Variants in TGFB2 observed in about 807,000 individuals in gnomAD.
TGFB2 encodes transforming growth factor beta 2.
In TGFB2, 13 loss-of-function variants were observed where a neutral mutation model predicts 42.7. That is an observed-to-expected ratio of 0.30 (90% CI 0.20 to 0.48). The LOEUF (loss-of-function observed/expected upper bound fraction) is 0.48, where lower values mean the gene tolerates loss of function less well. Ranked by LOEUF, TGFB2 falls within the 20% of genes least tolerant of loss-of-function variation. The probability of loss-of-function intolerance (pLI) is 0.99; values close to 1 mark genes in which losing one functional copy is unlikely to be tolerated. For missense variants in TGFB2, 390 were observed against 517.5 expected (o/e 0.75, Z 2.39); for synonymous variants, 193 against 193.6 (o/e 1.00, Z 0.03).
intron 2 of TGFB2, among the ~76,000 whole-genome samples, chr1:218,423,096 A>G (rs1001826838): frequency 1.3e-5 from 2 of 152,194 alleles, no homozygotes; most frequent in Non-Finnish European, 2.9e-5. Flanking sequence ...TTCCTGCTGT[A>G]GGTAAGCCAA....
intron 6 of TGFB2, 49 bp from the exon 7 acceptor site, chr1:218,441,155 C>A: frequency 1.3e-6 from 2 of 1,544,834 alleles, no homozygotes; most frequent in Non-Finnish European, 1.7e-6. Flanking sequence ...GAATTGCGTT[C>A]ATTTTCCGTC....
chr1:218,427,975 C>T (rs1659680859), intron 2 of TGFB2, among the ~76,000 whole-genome samples: 1 of 152,220 alleles, frequency 6.6e-6, no homozygotes, highest in Admixed American at 6.5e-5. Flanking sequence ...TCCTATTTCT[C>T]CACATCCTCT....
intron 1 of TGFB2, among the ~76,000 whole-genome samples, chr1:218,347,325 C>G (rs541985387): frequency 1.3e-5 from 2 of 152,284 alleles, no homozygotes; most frequent in Admixed American, 1.3e-4. Flanking sequence ...CCCTGAAGTT[C>G]TTTAGTCGGC....
At chr1:218,404,171 G>C (rs956234699) in intron 1 of TGFB2, among the ~76,000 whole-genome samples, 1 of 151,946 alleles carries the variant, frequency 6.6e-6, no homozygotes, top group Non-Finnish European at 1.5e-5. Context: ...AGAGTATAGT[G>C]TTGTGATTTC....
intron 6 of TGFB2, among the ~76,000 whole-genome samples, chr1:218,440,846 A>C (rs547741464): frequency 2.0e-5 from 3 of 152,350 alleles, no homozygotes; most frequent in Admixed American, 6.5e-5. Context: ...AAATGCTATA[A>C]GGATCAAGTT....
chr1:218,374,011 A>G (rs1050722390), intron 1 of TGFB2, among the ~76,000 whole-genome samples: 1 of 152,222 alleles, frequency 6.6e-6, no homozygotes, highest in African/African-American at 2.4e-5. Flanking sequence ...GAATGAAAAT[A>G]GCTTCTTATG....
chr1:218,389,267 T>C (rs1302162361), intron 1 of TGFB2, among the ~76,000 whole-genome samples: 1 of 152,196 alleles, frequency 6.6e-6, no homozygotes, highest in African/African-American at 2.4e-5. Flanking sequence ...TAATTTCCTT[T>C]TGCTTTGTGA....
chr1:218,352,063 A>G (rs1474449567), intron 1 of TGFB2, among the ~76,000 whole-genome samples: 2 of 152,052 alleles, frequency 1.3e-5, no homozygotes, highest in Non-Finnish European at 2.9e-5. Context: ...CAGGGTCACC[A>G]CTGGAGTGGG....
intron 1 of TGFB2, among the ~76,000 whole-genome samples, chr1:218,358,902 C>T (rs1271843412): frequency 6.6e-6 from 1 of 152,140 alleles, no homozygotes; most frequent in Non-Finnish European, 1.5e-5. Context: ...ATGACTTATT[C>T]TGATTCTACT....
chr1:218,440,989 T>A (rs1387456676), intron 6 of TGFB2, among the ~76,000 whole-genome samples: 1 of 152,226 alleles, frequency 6.6e-6, no homozygotes, highest in Non-Finnish European at 1.5e-5. Context: ...TTAAGATGTG[T>A]GGAAAACGAG....
chr1:218,382,300 T>C (rs1394986641), intron 1 of TGFB2, among the ~76,000 whole-genome samples: 21 of 152,148 alleles, frequency 1.4e-4, no homozygotes, highest in Non-Finnish European at 2.9e-5. Flanking sequence ...ACCTTTGCTT[T>C]TGGGGACTGT....
At chr1:218,386,402 G>A (rs1003165027) in intron 1 of TGFB2, among the ~76,000 whole-genome samples, 4 of 152,178 alleles carry the variant, frequency 2.6e-5, no homozygotes, top group South Asian at 2.1e-4. Context: ...AGATTATGTC[G>A]AAGAAAGCCC....
chr1:218,435,825 T>G, intron 4 of TGFB2, 145 bp from the exon 5 acceptor site: 1 of 778,488 alleles, frequency 1.3e-6, no homozygotes, highest in Non-Finnish European at 2.1e-6. Flanking sequence ...CATATCTATT[T>G]CCATGGGGAA....
chr1:218,356,056 A>G (rs1003107681), intron 1 of TGFB2, among the ~76,000 whole-genome samples: 2 of 152,348 alleles, frequency 1.3e-5, no homozygotes, highest in Admixed American at 6.5e-5. Context: ...AACGTTTTCT[A>G]GTTAATGAAT....
chr1:218,374,663 A>G (rs1657683988), intron 1 of TGFB2, among the ~76,000 whole-genome samples: 2 of 152,348 alleles, frequency 1.3e-5, no homozygotes, highest in South Asian at 4.1e-4. Flanking sequence ...TCTTCATATT[A>G]CAAGTTAGAA....
At chr1:218,412,640 G>C (rs547315132) in intron 2 of TGFB2, among the ~76,000 whole-genome samples, 2 of 152,290 alleles carry the variant, frequency 1.3e-5, no homozygotes, top group African/African-American at 4.8e-5. Flanking sequence ...AATTAGCTTG[G>C]GGTTTATTAT....
Position 218,434,380 on chromosome 1 carries a change from G to T in TGFB2, c.686G>T (p.Cys229Phe), listed in dbSNP as rs1185241582. 2 of 1,613,830 alleles carry T rather than the reference G, an allele frequency of 1.2e-6. No individual in the cohort carries two copies. Among genetic ancestry groups the T allele is most frequent in the African/African-American group, 1.3e-5 (1 of 74,892 alleles). ...GFKISLHCPC[C>F]TFVPSNNYII... ...AAAATAAGCTTACACTGTCCCTGCT[G>T]CACTTTTGTACCATCTAATAATTAC... Residue 229 changes from cysteine to phenylalanine, a missense_variant, in exon 4 of 7, where the codon TGC (cysteine) becomes TTC (phenylalanine). Physicochemically the swap from Cys to Phe is radical, Grantham distance 205. Transcript: ENST00000366930.
At chr1:218,412,540 C>T (rs762421294) in intron 2 of TGFB2, among the ~76,000 whole-genome samples, 8 of 152,116 alleles carry the variant, frequency 5.3e-5, no homozygotes, top group Non-Finnish European at 8.8e-5. Flanking sequence ...TTGGTGACTA[C>T]GTCTGTCCTC....
In TGFB2 at chr1:218,393,269, A is replaced by G. The variant is rs17047769; in HGVS notation, c.347-11900A>G. The stretch of plus-strand genomic sequence containing the variant: ...GGATGAGCAAGAATGTCCAATGCTG[A>G]GCAAGGATGTCCAGGGCTGTGTGGT... On this transcript the variant is annotated intron_variant, in intron 1 of 6. Transcript: ENST00000366930. 5.9e-4 allele frequency among the ~76,000 whole-genome samples: 90 copies of G among 152,310 alleles called. No homozygotes were observed. In the East Asian group the frequency reaches 8.5e-3, roughly 14 times the overall value.
Sources: allele counts gnomAD v4.1 joint callset (sites outside exome capture counted in the v4.1 genomes callset), GRCh38; gene constraint gnomAD v4.1.1; transcripts MANE v1.5; gene names NCBI Gene and HGNC (gene_info 2026-07-23, HGNC 2026-07-21).